Variants in CTNNA3 observed in about 807,000 individuals in gnomAD.
CTNNA3 encodes the protein catenin alpha 3.
In CTNNA3, 76 loss-of-function variants were observed where a neutral mutation model predicts 95.7. The observed-to-expected ratio is 0.79, with a 90% CI of 0.66 to 0.96. CTNNA3 has a LOEUF of 0.96. CTNNA3 is among the 40% of genes least tolerant of loss of function. The pLI, the probability that CTNNA3 is intolerant of heterozygous loss-of-function variation, is 0.00. For missense variants in CTNNA3, 1,191 were observed against 1,089.8 expected, an observed-to-expected ratio of 1.09 and a Z score of -1.31; for synonymous variants, 431 against 374.4, an observed-to-expected ratio of 1.15 and a Z score of -1.74.
At chr10:67,578,973 T>C (rs941621406) in intron 3 of CTNNA3, among the ~76,000 whole-genome samples, 4 of 139,578 alleles carry the variant, frequency 2.9e-5, no homozygotes, top group South Asian at 4.5e-4. Context: ...TGCATCACGA[T>C]ATAAAACCCA....
At chr10:67,074,544 G>C (rs1856648601) in intron 7 of CTNNA3, among the ~76,000 whole-genome samples, 1 of 151,480 alleles carries the variant, frequency 6.6e-6, no homozygotes, top group South Asian at 2.1e-4. Context: ...TAGAGATGGG[G>C]TTTCACCATG....
intron 13 of CTNNA3, among the ~76,000 whole-genome samples, chr10:66,198,311 T>G (rs568850003): frequency 6.6e-6 from 1 of 152,192 alleles, no homozygotes; most frequent in East Asian, 1.9e-4. Context: ...AAGTTTAATC[T>G]GCATATAATC....
intron 7 of CTNNA3, among the ~76,000 whole-genome samples, chr10:66,967,585 C>T (rs1003451002): frequency 6.6e-6 from 1 of 151,916 alleles, no homozygotes; most frequent in African/African-American, 2.4e-5. Flanking sequence ...ATGATACAAC[C>T]ATATGAGGCG....
At chr10:66,596,083 C>A (rs1477768281) in intron 10 of CTNNA3, among the ~76,000 whole-genome samples, 2 of 152,004 alleles carry the variant, frequency 1.3e-5, no homozygotes, top group African/African-American at 4.8e-5. Flanking sequence ...TCCAAGGAGA[C>A]CCACTTCTGT....
intron 12 of CTNNA3, among the ~76,000 whole-genome samples, chr10:66,367,950 G>T (rs2092725763): frequency 6.8e-6 from 1 of 146,970 alleles, no homozygotes; most frequent in Non-Finnish European, 1.5e-5. Flanking sequence ...CGCTGACTTT[G>T]TATTCTAATG....
At chr10:67,071,584 T>C (rs536517723) in intron 7 of CTNNA3, among the ~76,000 whole-genome samples, 49 of 152,204 alleles carry the variant, frequency 3.2e-4, no homozygotes, top group African/African-American at 1.1e-3. Context: ...AATGTCCCTA[T>C]GAATGTTTTT....
At chr10:67,675,003 A>G (rs1840509795) in intron 1 of CTNNA3, among the ~76,000 whole-genome samples, 1 of 152,044 alleles carries the variant, frequency 6.6e-6, no homozygotes, top group African/African-American at 2.4e-5. Context: ...ATTAATATCT[A>G]CCAATTTAAT....
At chr10:67,056,943 G>A (rs78031898) in intron 7 of CTNNA3, among the ~76,000 whole-genome samples, 1 of 152,150 alleles carries the variant, frequency 6.6e-6, no homozygotes, top group Non-Finnish European at 1.5e-5. Flanking sequence ...GGGTGCAAAA[G>A]AGTGGGAACT....
intron 5 of CTNNA3, among the ~76,000 whole-genome samples, chr10:67,448,474 A>T (rs1296587588): frequency 2.6e-5 from 4 of 152,134 alleles, no homozygotes; most frequent in African/African-American, 4.8e-5. Flanking sequence ...ATAAAAGTAG[A>T]TTAATAAAAC....
At chr10:66,141,258 C>A (rs1231115141) in intron 13 of CTNNA3, among the ~76,000 whole-genome samples, 33 of 147,230 alleles carry the variant, frequency 2.2e-4, no homozygotes, top group African/African-American at 8.3e-4. Context: ...AAGACTCTGT[C>A]TCAGATTAAA....
chr10:67,668,964 G>A lies in CTNNA3; in HGVS notation c.-5-21446C>T, dbSNP rs368721286. 2.6e-4 allele frequency among the ~76,000 whole-genome samples: 38 copies of A among 147,768 alleles called. No individual in the cohort carries two copies. In the South Asian group the frequency reaches 4.0e-3, roughly 15 times the overall value. ...AGTGAATCTCCTACCTCAGCCTCCC[G>A]AGCAGCTGGGATTACAGGCACTCGC... On this transcript the variant is annotated intron_variant, in intron 1 of 17. Transcript: ENST00000433211.
At chr10:66,926,090 C>A (rs1380869146) in intron 7 of CTNNA3, 1 of 457,942 alleles carries the variant, frequency 2.2e-6, no homozygotes, top group Non-Finnish European at 4.4e-6. Context: ...TGAGCGTGTG[C>A]GCGGTACGGG....
intron 9 of CTNNA3, among the ~76,000 whole-genome samples, chr10:66,626,564 A>G (rs781121220): frequency 6.6e-6 from 1 of 152,146 alleles, no homozygotes; most frequent in South Asian, 2.1e-4. Flanking sequence ...AAAGTTACAA[A>G]GTTACACAAG....
intron 5 of CTNNA3, among the ~76,000 whole-genome samples, chr10:67,400,599 T>G (rs1844881674): frequency 6.6e-6 from 1 of 152,142 alleles, no homozygotes; most frequent in South Asian, 2.1e-4. Context: ...TGTGGAAAAT[T>G]TTAAGTGCTA....
intron 13 of CTNNA3, among the ~76,000 whole-genome samples, chr10:66,142,808 G>A (rs1051132784): frequency 1.3e-5 from 2 of 151,966 alleles, no homozygotes; most frequent in African/African-American, 2.4e-5. Flanking sequence ...AGGTATTACT[G>A]GCAGAAATTT....
At chr10:67,473,353 A>C (rs1451132900) in intron 5 of CTNNA3, among the ~76,000 whole-genome samples, 4 of 152,280 alleles carry the variant, frequency 2.6e-5, no homozygotes, top group African/African-American at 9.6e-5. Context: ...ATATATGCTC[A>C]CGCTATATGT....
intron 10 of CTNNA3, among the ~76,000 whole-genome samples, chr10:66,524,524 G>A (rs924989009): frequency 6.6e-6 from 1 of 151,952 alleles, no homozygotes; most frequent in Non-Finnish European, 1.5e-5. Flanking sequence ...ATGGTTATGA[G>A]GTTTGACATA....
chr10:66,170,780 C>T (rs903748748), intron 13 of CTNNA3, among the ~76,000 whole-genome samples: 12 of 148,786 alleles, frequency 8.1e-5, no homozygotes, highest in African/African-American at 3.0e-4. Flanking sequence ...TAGTTAGGAA[C>T]ATATGAAGGC....
At chr10:66,070,693 G>A (rs914683347) in intron 14 of CTNNA3, among the ~76,000 whole-genome samples, 5 of 152,096 alleles carry the variant, frequency 3.3e-5, no homozygotes, top group Admixed American at 2.0e-4. Flanking sequence ...ATATGACCTT[G>A]AGGAAGTTAC....
Sources: gnomAD v4.1 joint callset for allele counts (sites outside exome capture counted in the v4.1 genomes callset) on GRCh38, gnomAD v4.1.1 for gene constraint, MANE v1.5 for transcripts, NCBI Gene and HGNC (gene_info 2026-07-23, HGNC 2026-07-21) for gene names.